PSAT1: variants seen among roughly 807,000 people sequenced by gnomAD.
PSAT1 encodes the protein phosphoserine aminotransferase 1.
In PSAT1, 41 loss-of-function variants were observed where a neutral mutation model predicts 40.3. That is an observed-to-expected ratio of 1.02 (90% CI 0.79 to 1.32). The LOEUF (loss-of-function observed/expected upper bound fraction) is 1.32. Ranked by LOEUF, PSAT1 falls within the 40% of genes most tolerant of loss-of-function variation. PSAT1 has a pLI of 0.00. For missense variants in PSAT1, 406 were observed against 455.8 expected (o/e 0.89, Z 0.99); for synonymous variants, 147 against 170.5 (o/e 0.86, Z 1.07).
rs921139080 is a variant in PSAT1, at chr9:78,297,149, G to C, written c.-62G>C. 2.6e-6 allele frequency: 4 copies of C among 1,524,328 alleles called. No homozygotes were observed. Among genetic ancestry groups the C allele is most frequent in the South Asian group, 1.2e-5 (1 of 84,610 alleles). The allele number at this position is 1,524,328 out of a possible 1,614,324, so 94.4% of individuals were successfully genotyped here. On this transcript the variant is annotated 5_prime_UTR_variant, in exon 1 of 9. Coordinates refer to ENST00000376588, the MANE Select transcript of PSAT1 (RefSeq NM_058179.4). ...TGCAGACTCTCACCGCAGCGGCCAGGAACGCCAGCCGTTCACGCGTTCGGT... is the reference window on the plus strand; with the variant it reads ...TGCAGACTCTCACCGCAGCGGCCAGCAACGCCAGCCGTTCACGCGTTCGGT...
intron 7 of PSAT1, 31 bp from the exon 8 acceptor site, chr9:78,328,020 A>G: frequency 6.2e-7 from 1 of 1,604,328 alleles, no homozygotes; most frequent in Non-Finnish European, 8.5e-7. Flanking sequence ...CATTTCAGAA[A>G]AGTAGCTGGA....
chr9:78,307,022 A>G (rs564643907), intron 5 of PSAT1, among the ~76,000 whole-genome samples: 1 of 152,314 alleles, frequency 6.6e-6, no homozygotes, highest in African/African-American at 2.4e-5. Flanking sequence ...TTTAATTGGG[A>G]TAAAATATAA....
At chr9:78,313,369 CAAACAAAG>C (rs377316225) in intron 6 of PSAT1, among the ~76,000 whole-genome samples, 9 of 152,008 alleles carry the variant, frequency 5.9e-5, no homozygotes, top group East Asian at 1.9e-4. Flanking sequence ...CCTCAAAAAA[CAAACAAAG>C]AAACAAAGAA....
chr9:78,327,398 A>G (rs904236544), intron 7 of PSAT1, among the ~76,000 whole-genome samples: 2 of 152,138 alleles, frequency 1.3e-5, no homozygotes, highest in Non-Finnish European at 2.9e-5. Flanking sequence ...AAAGATGGAA[A>G]ACTAGATTCC....
chr9:78,326,244 C>T (rs1420027927), intron 7 of PSAT1, among the ~76,000 whole-genome samples: 2 of 152,148 alleles, frequency 1.3e-5, no homozygotes, highest in South Asian at 4.2e-4. Flanking sequence ...TTAATGAATT[C>T]CACCCGTAGA....
At chr9:78,308,081 G>A (rs1828211469) in intron 5 of PSAT1, among the ~76,000 whole-genome samples, 1 of 152,114 alleles carries the variant, frequency 6.6e-6, no homozygotes, top group African/African-American at 2.4e-5. Flanking sequence ...ACCAGGGAGA[G>A]TTAGAGGCCC....
At chr9:78,316,603 C>G (rs1321913262) in intron 6 of PSAT1, among the ~76,000 whole-genome samples, 1 of 152,162 alleles carries the variant, frequency 6.6e-6, no homozygotes, top group East Asian at 1.9e-4. Context: ...AGCCAAGGGG[C>G]CTTGCTGGAC....
intron 7 of PSAT1, among the ~76,000 whole-genome samples, chr9:78,325,008 G>A (rs927651961): frequency 7.9e-5 from 12 of 151,774 alleles, no homozygotes; most frequent in African/African-American, 1.7e-4. Context: ...TACAGTTTGC[G>A]TTCAGTGCAA....
chr9:78,298,428 A>G, intron 1 of PSAT1: 1 of 985,300 alleles, frequency 1.0e-6, no homozygotes, highest in South Asian at 4.7e-5. Context: ...TTTAAAGGGG[A>G]AAGGACTTCT....
At chr9:78,308,697 T>G in intron 6 of PSAT1, 114 bp downstream of exon 6, 2 of 1,244,282 alleles carry the variant, frequency 1.6e-6, no homozygotes, top group Non-Finnish European at 2.2e-6. Context: ...GGCTCACACC[T>G]GTAATCTTAG....
At chr9:78,326,955 A>ATATATATATATATATTTT in intron 7 of PSAT1, among the ~76,000 whole-genome samples, 1 of 75,934 alleles carries the variant, frequency 1.3e-5, no homozygotes, top group Non-Finnish European at 2.1e-5. Context: ...ATATATATAT[A>ATATATATATATATATTTT]TTTTTTTTTT....
At chr9:78,319,807 G>A (rs1173808613) in intron 7 of PSAT1, among the ~76,000 whole-genome samples, 1 of 152,214 alleles carries the variant, frequency 6.6e-6, no homozygotes. Context: ...ACTGAGGGAA[G>A]AGTGTACAGT....
At chr9:78,302,818 T>C (rs1368217106) in intron 3 of PSAT1, among the ~76,000 whole-genome samples, 1 of 151,998 alleles carries the variant, frequency 6.6e-6, no homozygotes, top group East Asian at 1.9e-4. Context: ...GAGACTTTAT[T>C]TTTAACAGGC....
chr9:78,323,636 GAC>G (rs1319809820), intron 7 of PSAT1, among the ~76,000 whole-genome samples: 1 of 152,028 alleles, frequency 6.6e-6, no homozygotes. Flanking sequence ...TTTACACATA[GAC>G]ACACATACAT....
Position 78,320,337 on chromosome 9 carries a change from T to C in PSAT1, c.869+2533T>C, listed in dbSNP as rs13284696. Among the ~76,000 whole-genome samples the C allele has an allele frequency of 4.1e-3, 153 of 37,318 alleles. 1 individual carries two copies. The highest frequency in any genetic ancestry group is 0.011 in the African/African-American group (129 of 11,292). The allele number at this position is 37,318 out of a possible 152,430, so 24.5% of individuals were successfully genotyped here. A position where few individuals can be genotyped will look rare whatever the true frequency, so the allele number is the denominator to read the frequency against. ...TCCATCAATCTTCCATCCATCCATC[T>C]ATCCATCCATCCATCCATCCATCTG... On this transcript the variant is annotated intron_variant, in intron 7 of 8. Transcript: ENST00000376588.
chr9:78,323,986 G>A (rs180879943), intron 7 of PSAT1, among the ~76,000 whole-genome samples: 196 of 152,072 alleles, frequency 1.3e-3, no homozygotes, highest in African/African-American at 4.1e-3. Context: ...ACTTTCTTGC[G>A]TTCCCTTCTG....
intron 1 of PSAT1, 132 bp from the exon 2 acceptor site, chr9:78,300,470 C>A: frequency 8.7e-7 from 1 of 1,145,780 alleles, no homozygotes; most frequent in Non-Finnish European, 1.2e-6. Flanking sequence ...AGGAGACTGG[C>A]TGTGGGTGGG....
intron 7 of PSAT1, among the ~76,000 whole-genome samples, chr9:78,320,651 C>T (rs1248091004): frequency 6.6e-6 from 1 of 151,130 alleles, no homozygotes; most frequent in Non-Finnish European, 1.5e-5. Context: ...ATCCACCCAC[C>T]CACCCATCCA....
chr9:78,323,533 T>C (rs1331807264), intron 7 of PSAT1, among the ~76,000 whole-genome samples: 1 of 152,114 alleles, frequency 6.6e-6, no homozygotes, highest in Non-Finnish European at 1.5e-5. Context: ...TAAGCTGAGA[T>C]TGGACCACTG....
Sources: gnomAD v4.1 joint callset for allele counts (sites outside exome capture counted in the v4.1 genomes callset) on GRCh38, gnomAD v4.1.1 for gene constraint, MANE v1.5 for transcripts, NCBI Gene and HGNC (gene_info 2026-07-23, HGNC 2026-07-21) for gene names.